Variants in GALNT13 observed in about 807,000 individuals in gnomAD.
GALNT13 encodes the protein UDP-GalNAc:polypeptide N-acetylgalactosaminyltransferase 13.
In GALNT13, 28 loss-of-function variants were observed where a neutral mutation model predicts 64.2. That is an observed-to-expected ratio of 0.44 (90% CI 0.32 to 0.60). The LOEUF (loss-of-function observed/expected upper bound fraction) is 0.60, where lower values mean the gene tolerates loss of function less well. Among genes scored for constraint, GALNT13 ranks in the 20% least tolerant of loss-of-function variants. The probability of loss-of-function intolerance (pLI) is 0.05; values close to 1 mark genes in which losing one functional copy is unlikely to be tolerated. For missense variants in GALNT13, 577 were observed against 669.8 expected (o/e 0.86, Z 1.53); for synonymous variants, 214 against 224.6 (o/e 0.95, Z 0.42).
At chr2:154,175,018 G>T (rs573244816) in intron 4 of GALNT13, among the ~76,000 whole-genome samples, 1 of 152,156 alleles carries the variant, frequency 6.6e-6, no homozygotes, top group Admixed American at 6.5e-5. Flanking sequence ...TTTCAATGTG[G>T]TTATAATAAC....
At chr2:153,385,198 G>A in the GALNT13 span, among the ~76,000 whole-genome samples, 1 of 152,050 alleles carries the variant, frequency 6.6e-6, no homozygotes, top group Admixed American at 6.6e-5. Flanking sequence ...ATACCCAAAA[G>A]AGAGGAAATA....
At chr2:154,208,026 C>G (rs918681059) in intron 4 of GALNT13, among the ~76,000 whole-genome samples, 4 of 151,922 alleles carry the variant, frequency 2.6e-5, no homozygotes, top group African/African-American at 9.7e-5. Flanking sequence ...TAATAAATAC[C>G]TAGGGGATTT....
intron 3 of GALNT13, among the ~76,000 whole-genome samples, chr2:154,046,267 G>C (rs920920175): frequency 3.9e-5 from 6 of 152,172 alleles, no homozygotes; most frequent in Non-Finnish European, 8.8e-5. Flanking sequence ...TGAGGTTTCA[G>C]GGAGCCCTGA....
At chr2:154,449,359 C>G (rs1344341013) in intron 12 of GALNT13, among the ~76,000 whole-genome samples, 1 of 147,846 alleles carries the variant, frequency 6.8e-6, no homozygotes, top group Non-Finnish European at 1.5e-5. Flanking sequence ...GCTGCTGTTC[C>G]TCTACCATTT....
the GALNT13 span, among the ~76,000 whole-genome samples, chr2:153,372,169 T>A: frequency 3.3e-5 from 5 of 152,142 alleles, no homozygotes; most frequent in Non-Finnish European, 5.9e-5. Context: ...GAGTGGGGAA[T>A]GGGGGCGGCA....
chr2:154,145,682 C>A lies in GALNT13; in HGVS notation c.311+5177C>A, dbSNP rs545357690. On this transcript the variant is annotated intron_variant, in intron 4 of 12. Coordinates refer to ENST00000392825, the MANE Select transcript of GALNT13 (RefSeq NM_052917.4). Reference sequence around the variant, plus strand: ...AATAAAGAGGAAAAGACTCTAGCAGCCTTACATTATTAGTGGAAGAGGAGC... The same window carrying A: ...AATAAAGAGGAAAAGACTCTAGCAGACTTACATTATTAGTGGAAGAGGAGC... 2.6e-5 allele frequency among the ~76,000 whole-genome samples: 4 copies of A among 152,000 alleles called. No individual in the cohort carries two copies. In the South Asian group the frequency reaches 6.2e-4, roughly 24 times the overall value.
At chr2:153,543,904 C>T in the GALNT13 span, among the ~76,000 whole-genome samples, 5 of 152,130 alleles carry the variant, frequency 3.3e-5, no homozygotes, top group Admixed American at 2.0e-4. Flanking sequence ...TCCCTGGAGG[C>T]GTTCATTAGA....
the GALNT13 span, among the ~76,000 whole-genome samples, chr2:153,747,056 T>C: frequency 6.6e-6 from 1 of 152,150 alleles, no homozygotes; most frequent in Non-Finnish European, 1.5e-5. Context: ...AATGTTTTTG[T>C]AATTTTTTAA....
chr2:154,423,367 AACAT>A (rs751031259), intron 11 of GALNT13, among the ~76,000 whole-genome samples: 23 of 152,286 alleles, frequency 1.5e-4, no homozygotes, highest in Non-Finnish European at 3.1e-4. Context: ...TGCCACAATA[AACAT>A]ACGTGTGCAT....
chr2:154,165,060 T>A (rs1043800206), intron 4 of GALNT13, among the ~76,000 whole-genome samples: 1 of 152,142 alleles, frequency 6.6e-6, no homozygotes, highest in African/African-American at 2.4e-5. Context: ...AAAATGTGTC[T>A]ACTGTCCCAA....
At chr2:154,026,035 A>G (rs1002326317) in intron 3 of GALNT13, among the ~76,000 whole-genome samples, 1 of 152,152 alleles carries the variant, frequency 6.6e-6, no homozygotes, top group African/African-American at 2.4e-5. Flanking sequence ...GCAAATGTGC[A>G]TGGTGTTGGG....
the GALNT13 span, among the ~76,000 whole-genome samples, chr2:153,501,658 C>T: frequency 6.6e-6 from 1 of 152,016 alleles, no homozygotes; most frequent in African/African-American, 2.4e-5. Flanking sequence ...CCAAGGAGTC[C>T]CTGGACATCA....
the GALNT13 span, among the ~76,000 whole-genome samples, chr2:153,778,418 T>C: frequency 6.6e-6 from 1 of 152,178 alleles, no homozygotes; most frequent in African/African-American, 2.4e-5. Flanking sequence ...CTCTACCCAG[T>C]ACTTCCCTTC....
At position 154,086,485 on chromosome 2, in the gene GALNT13, G is replaced by T. The variant is rs531284672; in HGVS notation, c.143-53852G>T. ...TATTTATATAAATCTTAAGATATAG[G>T]TATGGGCAATTTTGATTTTACAAAC... On this transcript the variant is annotated intron_variant, in intron 3 of 12. Coordinates refer to ENST00000392825, the MANE Select transcript of GALNT13 (RefSeq NM_052917.4). Among the ~76,000 whole-genome samples the T allele has an allele frequency of 1.0e-4, 15 of 149,618 alleles. No individual in the cohort carries two copies. In the South Asian group the frequency reaches 2.5e-3, roughly 25 times the overall value.
the GALNT13 span, among the ~76,000 whole-genome samples, chr2:153,751,001 G>A: frequency 6.6e-6 from 1 of 151,806 alleles, no homozygotes; most frequent in East Asian, 1.9e-4. Flanking sequence ...GTTTTGGTAT[G>A]TTTTGTTTCC....
the GALNT13 span, among the ~76,000 whole-genome samples, chr2:153,225,032 A>AG: frequency 6.6e-6 from 1 of 152,214 alleles, no homozygotes; most frequent in South Asian, 2.1e-4. Context: ...ATTACAAGAG[A>AG]GAAAAACTGC....
At chr2:154,071,073 G>A (rs1362088558) in intron 3 of GALNT13, among the ~76,000 whole-genome samples, 7 of 152,044 alleles carry the variant, frequency 4.6e-5, no homozygotes, top group African/African-American at 1.7e-4. Flanking sequence ...AAAACTCCTG[G>A]AACTAATCAA....
intron 3 of GALNT13, among the ~76,000 whole-genome samples, chr2:154,112,939 C>G (rs1347698571): frequency 6.6e-6 from 1 of 152,124 alleles, no homozygotes; most frequent in East Asian, 1.9e-4. Context: ...CTTCCTTGTG[C>G]CTTCAGGACC....
At chr2:153,371,565 A>G in the GALNT13 span, among the ~76,000 whole-genome samples, 9 of 152,222 alleles carry the variant, frequency 5.9e-5, no homozygotes, top group African/African-American at 1.9e-4. Context: ...TGATACCATA[A>G]TAAACATGTT....
Sources: allele counts gnomAD v4.1 joint callset (sites outside exome capture counted in the v4.1 genomes callset), GRCh38; gene constraint gnomAD v4.1.1; transcripts MANE v1.5; gene names NCBI Gene and HGNC (gene_info 2026-07-23, HGNC 2026-07-21).